SAMD5: variants seen among roughly 807,000 people sequenced by gnomAD.
SAMD5 encodes sterile alpha motif domain-containing protein 5.
Under a neutral mutation model 11.3 loss-of-function variants are expected in SAMD5, and 13 were observed. The ratio of observed to expected loss-of-function variants is 1.15; its 90% confidence interval spans 0.75 to 1.83. The LOEUF is 1.83. Ranked by LOEUF, SAMD5 falls within the 40% of genes most tolerant of loss-of-function variation. The pLI is 0.00. For synonymous variants in SAMD5, 129 were observed against 111.3 expected, an observed-to-expected ratio of 1.16 and a Z score of -1.00; for missense variants, 255 against 239.1, an observed-to-expected ratio of 1.07 and a Z score of -0.44.
At chr6:147,693,446 G>A (rs893236892) in intron 1 of SAMD5, among the ~76,000 whole-genome samples, 2 of 152,230 alleles carry the variant, frequency 1.3e-5, no homozygotes, top group East Asian at 1.9e-4. Flanking sequence ...AGAGCCCCAC[G>A]TCCTGCCCTG....
In SAMD5 at chr6:147,721,494, G is replaced by C. The variant is rs1423250371; in HGVS notation, c.163-15823G>C. 4.6e-5 allele frequency among the ~76,000 whole-genome samples: 7 copies of C among 152,240 alleles called. No individual in the cohort carries two copies. The South Asian group carries it at 6.2e-4, about 14-fold the overall frequency. The stretch of plus-strand genomic sequence containing the variant: ...ATGTGTTTTTTGACTGCATAAATGT[G>C]TTCTTTTGAGAAGTGTCTGTTCATA... On this transcript the variant is annotated intron_variant, in intron 1 of 1. Transcript: ENST00000566741.
At chr6:147,613,082 T>C (rs920734663) in intron 1 of SAMD5, among the ~76,000 whole-genome samples, 7 of 148,340 alleles carry the variant, frequency 4.7e-5, no homozygotes, top group African/African-American at 1.7e-4. Flanking sequence ...GCGCCCATAG[T>C]CCCAGCTACA....
intron 1 of SAMD5, among the ~76,000 whole-genome samples, chr6:147,689,027 T>C (rs1321114391): frequency 6.6e-6 from 1 of 151,956 alleles, no homozygotes; most frequent in East Asian, 1.9e-4. Context: ...TATGTGTTTC[T>C]CTTGAATTCT....
the SAMD5 span, among the ~76,000 whole-genome samples, chr6:147,752,297 C>T: frequency 6.6e-5 from 10 of 152,204 alleles, no homozygotes; most frequent in East Asian, 1.9e-4. Flanking sequence ...CCTCAAATAA[C>T]GCAATCGTGT....
chr6:147,721,623 C>T lies in SAMD5; in HGVS notation c.163-15694C>T, dbSNP rs1010977588. Among the ~76,000 whole-genome samples, 3 of 151,968 alleles carry T rather than the reference C, an allele frequency of 2.0e-5. 1 individual carries two copies. The highest frequency in any genetic ancestry group is 4.2e-4 in the South Asian group (2 of 4,804). On this transcript the variant is annotated intron_variant, in intron 1 of 1. Transcript: ENST00000566741. ...AGCCCTTTGTCAGATAAGTAGGTTG[C>T]GAAAATTTTCTCCCATTTTGTAGGT...
chr6:147,790,649 C>G, the SAMD5 span, among the ~76,000 whole-genome samples: 28 of 152,026 alleles, frequency 1.8e-4, no homozygotes, highest in African/African-American at 6.0e-4. Flanking sequence ...TATGGGTGGA[C>G]TAGCTGGGGA....
the SAMD5 span, among the ~76,000 whole-genome samples, chr6:147,898,227 A>T: frequency 6.6e-6 from 1 of 152,204 alleles, no homozygotes; most frequent in Admixed American, 6.5e-5. Context: ...ACTGCCAAGA[A>T]GACTCAGTAC....
Position 147,612,322 on chromosome 6 carries a change from G to A in SAMD5, c.162+102935G>A, listed in dbSNP as rs151290429. Among the ~76,000 whole-genome samples the A allele has an allele frequency of 1.5e-3, 224 of 152,242 alleles. 1 individual carries two copies. The highest frequency in any genetic ancestry group is 5.0e-3 in the African/African-American group (209 of 41,544). ...ACCAGCCCAAAAAGTCACAATGTGTGCAACTTTTATACTAACCTAATGGCC... is the reference window on the plus strand; with the variant it reads ...ACCAGCCCAAAAAGTCACAATGTGTACAACTTTTATACTAACCTAATGGCC... On this transcript the variant is annotated intron_variant, in intron 1 of 1. Transcript: ENST00000566741.
chr6:147,679,327 AC>A (rs1021467791), intron 1 of SAMD5, among the ~76,000 whole-genome samples: 2 of 152,092 alleles, frequency 1.3e-5, no homozygotes, highest in Non-Finnish European at 2.9e-5. Flanking sequence ...GGATGGCCAG[AC>A]TTTTTCATTT....
the SAMD5 span, among the ~76,000 whole-genome samples, chr6:147,745,147 T>C: frequency 6.6e-6 from 1 of 152,078 alleles, no homozygotes; most frequent in East Asian, 1.9e-4. Context: ...TACACAAATA[T>C]TTACAAATGA....
the SAMD5 span, among the ~76,000 whole-genome samples, chr6:147,920,866 A>G: frequency 6.6e-6 from 1 of 152,192 alleles, no homozygotes; most frequent in Non-Finnish European, 1.5e-5. Flanking sequence ...TAATGACATA[A>G]AATAGGACAA....
chr6:147,636,984 C>A (rs538437474), intron 1 of SAMD5, among the ~76,000 whole-genome samples: 2 of 151,920 alleles, frequency 1.3e-5, no homozygotes, highest in Non-Finnish European at 2.9e-5. Context: ...AGGGCAATAA[C>A]GATCTAGCCA....
intron 1 of SAMD5, among the ~76,000 whole-genome samples, chr6:147,619,930 C>T (rs10872599): frequency 0.5 from 76,694 of 152,076 alleles, 20,489 homozygotes; most frequent in South Asian, 0.67. Flanking sequence ...TCCTAAGAGA[C>T]AGCAGGAAGC....
the SAMD5 span, among the ~76,000 whole-genome samples, chr6:147,861,354 C>T: frequency 4.3e-4 from 65 of 151,276 alleles, no homozygotes; most frequent in South Asian, 1.0e-3. Flanking sequence ...TTGCTAGAGA[C>T]GGGGTTTCAC....
intron 1 of SAMD5, among the ~76,000 whole-genome samples, chr6:147,539,581 C>G (rs886799663): frequency 2.0e-5 from 3 of 151,830 alleles, no homozygotes; most frequent in African/African-American, 7.3e-5. Context: ...ATGAGGAAAA[C>G]AGAGGTTTTT....
intron 1 of SAMD5, among the ~76,000 whole-genome samples, chr6:147,518,690 A>C (rs1411705945): frequency 6.6e-6 from 1 of 152,218 alleles, no homozygotes; most frequent in African/African-American, 2.4e-5. Context: ...CAGCTTCTCA[A>C]GTTTATAGCG....
chr6:147,584,246 T>A (rs1490846262), intron 1 of SAMD5, among the ~76,000 whole-genome samples: 1 of 152,206 alleles, frequency 6.6e-6, no homozygotes, highest in Non-Finnish European at 1.5e-5. Context: ...AAGCATTTCG[T>A]AGACTGTGAT....
At chr6:147,953,303 TTC>T in the SAMD5 span, 1 of 152,316 alleles carries the variant, frequency 6.6e-6, no homozygotes, top group African/African-American at 2.4e-5. Flanking sequence ...GTTTTTTTTT[TTC>T]TCTTTCTTCC....
the SAMD5 span, among the ~76,000 whole-genome samples, chr6:147,941,246 T>C: frequency 6.6e-6 from 1 of 150,536 alleles, no homozygotes. Context: ...AGGTCTCTAA[T>C]GCATGCCATC....
Sources: allele counts gnomAD v4.1 joint callset (sites outside exome capture counted in the v4.1 genomes callset), GRCh38; gene constraint gnomAD v4.1.1; transcripts MANE v1.5; gene names NCBI Gene and HGNC (gene_info 2026-07-23, HGNC 2026-07-21).